Variants in PTPRN2 observed in about 807,000 individuals in gnomAD.
PTPRN2 encodes receptor-type tyrosine-protein phosphatase N2.
Under a neutral mutation model 118.8 loss-of-function variants are expected in PTPRN2, and 74 were observed. The ratio of observed to expected loss-of-function variants is 0.62; its 90% CI spans 0.52 to 0.76. The LOEUF (loss-of-function observed/expected upper bound fraction) is 0.76. PTPRN2 is among the 30% of genes least tolerant of loss of function. The pLI, the probability that PTPRN2 is intolerant of heterozygous loss-of-function variation, is 0.00. For missense variants in PTPRN2, 1,481 were observed against 1,394.4 expected (o/e 1.06, Z -0.99); for synonymous variants, 641 against 608.0 (o/e 1.05, Z -0.80).
In PTPRN2 at chr7:157,568,979, G is replaced by A; in HGVS notation, c.2838-13C>T. The A allele has an allele frequency of 6.4e-7, 1 of 1,551,246 alleles. No individual in the cohort carries two copies. The highest frequency in any genetic ancestry group is 8.9e-7 in the Non-Finnish European group (1 of 1,123,522). ...GCCTGCACCGTCACTGCCAACAGAA[G>A]GAGAGAAATGAAAGTGCTGCCGTCC... On this transcript the variant is annotated splice_polypyrimidine_tract_variant and intron_variant, in intron 20 of 22. Coordinates refer to ENST00000389418, the MANE Select transcript of PTPRN2 (RefSeq NM_002847.5).
Position 157,920,131 on chromosome 7 carries a change from C to T in PTPRN2, c.1724-21394G>A, listed in dbSNP as rs192873364. Among the ~76,000 whole-genome samples the T allele has an allele frequency of 1.6e-4, 24 of 152,234 alleles. No individual in the cohort carries two copies. In the East Asian group the frequency reaches 2.3e-3, roughly 15 times the overall value. ...GATGAAACATTTATCTGAAGGCAGC[C>T]TCGTCATTAAGCAACGCATCGCTGT... On this transcript the variant is annotated intron_variant, in intron 11 of 22. Coordinates refer to ENST00000389418, the MANE Select transcript of PTPRN2 (RefSeq NM_002847.5).
chr7:158,145,526 T>G (rs373044346), intron 6 of PTPRN2, among the ~76,000 whole-genome samples: 2 of 152,292 alleles, frequency 1.3e-5, no homozygotes, highest in African/African-American at 4.8e-5. Context: ...TGAGGCTCCA[T>G]GGTGGACCAG....
At chr7:158,051,327 G>A (rs1809308728) in intron 11 of PTPRN2, among the ~76,000 whole-genome samples, 2 of 152,178 alleles carry the variant, frequency 1.3e-5, no homozygotes, top group African/African-American at 2.4e-5. Flanking sequence ...GGCTATTATG[G>A]GACTGTGGGG....
intron 11 of PTPRN2, among the ~76,000 whole-genome samples, chr7:157,942,551 G>A (rs56211987): frequency 0.17 from 25,093 of 151,948 alleles, 2,210 homozygotes; most frequent in South Asian, 0.2. Flanking sequence ...AAGCAGGAGC[G>A]ATGATCAGAG....
chr7:158,286,365 C>T (rs1799769828), intron 3 of PTPRN2, among the ~76,000 whole-genome samples: 1 of 152,148 alleles, frequency 6.6e-6, no homozygotes, highest in Non-Finnish European at 1.5e-5. Context: ...CCTAATTGCC[C>T]TGGCTAGGTT....
At chr7:157,766,216 C>T (rs1429087659) in intron 12 of PTPRN2, among the ~76,000 whole-genome samples, 1 of 151,358 alleles carries the variant, frequency 6.6e-6, no homozygotes, top group Non-Finnish European at 1.5e-5. Flanking sequence ...TCCATCCACC[C>T]ACACACCCAT....
chr7:158,066,002 C>T (rs528985793), intron 11 of PTPRN2, among the ~76,000 whole-genome samples: 1 of 152,332 alleles, frequency 6.6e-6, no homozygotes, highest in African/African-American at 2.4e-5. Context: ...TCTAACCTCA[C>T]ACAGGGACGG....
chr7:158,055,553 G>A (rs941710349), intron 11 of PTPRN2, among the ~76,000 whole-genome samples: 18 of 152,272 alleles, frequency 1.2e-4, no homozygotes, highest in South Asian at 4.1e-4. Context: ...CTCCTAGTCC[G>A]CCTTCATGTT....
chr7:158,147,758 C>A (rs543413830), intron 6 of PTPRN2, among the ~76,000 whole-genome samples: 1 of 115,922 alleles, frequency 8.6e-6, no homozygotes, highest in African/African-American at 3.9e-5. Flanking sequence ...CTCAATGACA[C>A]CCCACCTCAC....
chr7:158,038,910 T>C (rs186102527), intron 11 of PTPRN2, among the ~76,000 whole-genome samples: 22 of 151,800 alleles, frequency 1.4e-4, no homozygotes, highest in Admixed American at 9.2e-4. Flanking sequence ...ATGAGGAAAT[T>C]TGAATGGCTA....
At position 157,690,041 on chromosome 7, in the gene PTPRN2, C is replaced by T. The variant is rs1273814159; in HGVS notation, c.1789-7104G>A. 6.6e-5 allele frequency among the ~76,000 whole-genome samples: 10 copies of T among 152,244 alleles called. No homozygotes were observed. On this transcript the variant is annotated intron_variant, in intron 12 of 22. Transcript: ENST00000389418. This position sits in a 1 kb window ranked among gnomAD's most constrained non-coding sequence, Gnocchi z 7.1. The stretch of plus-strand genomic sequence containing the variant: ...ATCTCCGTGCCTGCACCCCCCCACC[C>T]CCAGCACCCTGCAATGGTCGGAACT...
At chr7:158,270,927 CCCCCACCT>C (rs1798409579) in intron 3 of PTPRN2, among the ~76,000 whole-genome samples, 1 of 80,724 alleles carries the variant, frequency 1.2e-5, no homozygotes. Context: ...TGGACCACCC[CCCCCACCT>C]GGACCACCCC....
Position 157,621,413 on chromosome 7 carries a change from C to G in PTPRN2, c.2293G>C (p.Ala765Pro). Residue 765 changes from alanine to proline, a missense_variant, in exon 15 of 23, where the codon GCC becomes CCC. Physicochemically the swap from Ala to Pro is conservative, Grantham distance 27. Around this residue, in one of 3 missense-constraint regions of PTPRN2, gnomAD observed 362 missense variants for 384.1 expected, o/e 0.94. Transcript: ENST00000389418. ...TTGGGCACGTTCTCCTCCCTCTGGG[C>G]CACGAACGAGCTGTTGGGCTCCGCC... ...YQAEPNSSFV[A>P]QREENVPKNR... is the part of the protein sequence containing the mutation. The G allele has an allele frequency of 6.2e-7, 1 of 1,612,046 alleles. No individual in the cohort carries two copies. Among genetic ancestry groups the G allele is most frequent in the South Asian group, 1.1e-5 (1 of 91,052 alleles).
intron 2 of PTPRN2, among the ~76,000 whole-genome samples, chr7:158,325,155 A>AC (rs5888751): frequency 0.4 from 59,065 of 148,782 alleles, 11,796 homozygotes; most frequent in Middle Eastern, 0.47. Context: ...ACAGAGATCC[A>AC]AGGGGGTCCC....
At chr7:157,691,316 T>G (rs1797486165) in intron 12 of PTPRN2, among the ~76,000 whole-genome samples, 1 of 141,806 alleles carries the variant, frequency 7.1e-6, no homozygotes, top group African/African-American at 2.6e-5. Flanking sequence ...GCGGCTCTGC[T>G]GTGACCTTTG....
intron 14 of PTPRN2, among the ~76,000 whole-genome samples, chr7:157,628,464 C>A (rs148348120): frequency 6.6e-6 from 1 of 152,160 alleles, no homozygotes; most frequent in African/African-American, 2.4e-5. Context: ...GGAACAGGAA[C>A]GCACATGAAC....
At chr7:158,557,956 A>G (rs1159890374) in intron 1 of PTPRN2, among the ~76,000 whole-genome samples, 1 of 152,182 alleles carries the variant, frequency 6.6e-6, no homozygotes, top group Non-Finnish European at 1.5e-5. Flanking sequence ...GCTATTGGTT[A>G]ACTTCATAGA....
intron 12 of PTPRN2, among the ~76,000 whole-genome samples, chr7:157,734,264 TGCCCAGTGCAGTCTTCCGTCCCATGC>T (rs1379655564): frequency 5.6e-5 from 4 of 71,046 alleles, no homozygotes; most frequent in African/African-American, 1.7e-4. Context: ...CCGTCCCATG[TGCCCAGTGCAGTCTTCCGTCCCATGC>T]GCCCAGTGCA....
rs748445304 is a variant in PTPRN2, at chr7:157,831,676, T to C, written c.1788+66997A>G. ...GGGAGTCTACACAGGTGTTCTGCAC[T>C]GAGCTCCCCTCTACTTCGGGCCTGC... On this transcript the variant is annotated intron_variant, in intron 12 of 22. Coordinates refer to ENST00000389418, the MANE Select transcript of PTPRN2 (RefSeq NM_002847.5). This position sits in a 1 kb window ranked among gnomAD's most constrained non-coding sequence, Gnocchi z 4.8. Among the ~76,000 whole-genome samples the C allele has an allele frequency of 6.6e-6, 1 of 152,206 alleles. No individual in the cohort carries two copies. Among genetic ancestry groups the C allele is most frequent in the Non-Finnish European group, 1.5e-5 (1 of 68,034 alleles).
Sources: gnomAD v4.1 joint callset for allele counts (sites outside exome capture counted in the v4.1 genomes callset) on GRCh38, gnomAD v4.1.1 for gene constraint, gnomAD v4.1.1 regional missense constraint, Gnocchi (gnomAD v3.1) non-coding constraint, MANE v1.5 for transcripts, NCBI Gene and HGNC (gene_info 2026-07-23, HGNC 2026-07-21) for gene names.